Variants in ARVCF observed in about 807,000 individuals in gnomAD.
ARVCF encodes ARVCF delta catenin family member, also known as splicing regulator ARVCF.
A neutral mutation model predicts 90.9 loss-of-function variants in ARVCF; 66 were observed. The observed-to-expected ratio is 0.73, with a 90% CI of 0.60 to 0.89. The LOEUF is 0.89. ARVCF is among the 40% of genes least tolerant of loss of function. The probability of loss-of-function intolerance (pLI) is 0.00; values close to 1 mark genes in which losing one functional copy is unlikely to be tolerated. For missense variants in ARVCF, 1,469 were observed against 1,382.3 expected, an observed-to-expected ratio of 1.06 and a Z score of -1.00; for synonymous variants, 653 against 603.4, an observed-to-expected ratio of 1.08 and a Z score of -1.21.
chr22:19,973,040 T>A lies in ARVCF; in HGVS notation c.2439-4A>T, dbSNP rs766933695. On this transcript the variant is annotated splice_polypyrimidine_tract_variant and splice_region_variant and intron_variant, in intron 14 of 19. Transcript: ENST00000263207. Reference sequence around the variant, plus strand: ...CTTCGCTTCGCGTACCGATTGGCTGTGGGGCCGGGGGCGGGGTCAGTGGTG... The same window carrying A: ...CTTCGCTTCGCGTACCGATTGGCTGAGGGGCCGGGGGCGGGGTCAGTGGTG... 3.1e-6 allele frequency: 5 copies of A among 1,611,810 alleles called. No homozygotes were observed. The highest frequency in any genetic ancestry group is 4.2e-6 in the Non-Finnish European group (5 of 1,179,502).
intron 2 of ARVCF, among the ~76,000 whole-genome samples, chr22:20,008,328 C>T (rs1462552923): frequency 3.9e-5 from 6 of 152,182 alleles, no homozygotes; most frequent in African/African-American, 7.2e-5. Flanking sequence ...CTATGGGAAA[C>T]GGCAGGGCAT....
rs1383295084 is a variant in ARVCF, at chr22:19,977,652, T to C, written c.1699-66A>G. On this transcript the variant is annotated intron_variant, in intron 8 of 19. Coordinates refer to ENST00000263207, the MANE Select transcript of ARVCF (RefSeq NM_001670.3). ...CACAGGGCTGGCCCTCAGGAAAGAC[T>C]GGCCACAGCTGGTGTGCATGAGGGC... 8 of 1,473,224 alleles carry C rather than the reference T, an allele frequency of 5.4e-6. No homozygotes were observed. The East Asian group carries it at 1.9e-4, about 36-fold the overall frequency. 91.3% of individuals were successfully genotyped at this position (1,473,224 alleles called of 1,614,324 possible). A position where few individuals can be genotyped will look rare whatever the true frequency, so the allele number is the denominator to read the frequency against.
At chr22:19,990,860 A>C (rs565772965) in intron 2 of ARVCF, 48 bp from the exon 3 acceptor site, 2 of 1,521,528 alleles carry the variant, frequency 1.3e-6, no homozygotes, top group African/African-American at 2.8e-5. Context: ...ACAGCCTGGC[A>C]AGGCCATCAT....
chr22:19,966,743 AC>A (rs1942419241), downstream of ARVCF, among the ~76,000 whole-genome samples: 1 of 151,426 alleles, frequency 6.6e-6, no homozygotes, highest in African/African-American at 2.4e-5. Context: ...TGAGGCTCCA[AC>A]TTTTTGTTGT....
In ARVCF at chr22:19,971,911, T is replaced by C. The variant is rs760715340; in HGVS notation, c.2756A>G (p.Glu919Gly). The C allele has an allele frequency of 2.5e-6, 4 of 1,613,252 alleles. No homozygotes were observed. The Admixed American group carries it at 6.7e-5, about 27-fold the overall frequency. ...RRPRGASSAG[E>G]ASEKEPLKLD... ...TTTCAAGGGTTCCTTCTCAGAGGCC[T>C]CTCCTGCAGAGCTGGCGCCCCGTGG... is the stretch of plus-strand genomic sequence containing the variant. Residue 919 changes from glutamate to glycine, a missense_variant, in exon 18 of 20, where the codon GAG (glutamate) becomes GGG (glycine). By Grantham distance (98) the Glu-to-Gly change is moderately conservative. Coordinates refer to ENST00000263207, the MANE Select transcript of ARVCF (RefSeq NM_001670.3).
At chr22:19,971,405 AG>A in intron 18 of ARVCF, 70 bp from the exon 19 acceptor site, 1 of 1,497,468 alleles carries the variant, frequency 6.7e-7, no homozygotes, top group Non-Finnish European at 8.9e-7. Flanking sequence ...GGGACAGGGC[AG>A]GGGCAGGGCC....
Position 19,974,190 on chromosome 22 carries a change from G to A in ARVCF, c.2010C>T (p.Leu670=), listed in dbSNP as rs1196185713. 5.0e-6 allele frequency: 8 copies of A among 1,612,900 alleles called. No homozygotes were observed. The East Asian group carries it at 1.3e-4, about 27-fold the overall frequency. ...TGTTGAAGTTCCGGCTCTCCGTGAG[G>A]AGGGAGAGGTAGAGACGTACCACCT... ...QPEVVRLYLS[L]LTESRNFNTL... is the part of the protein sequence containing the mutation. The change falls in exon 12 of 20, where the codon CTC becomes CTT. Residue 670 remains leucine, a synonymous_variant. Coordinates refer to ENST00000263207, the MANE Select transcript of ARVCF (RefSeq NM_001670.3).
rs536451716 is a variant in ARVCF, at chr22:19,993,617, C to T, written c.-18-2805G>A. Reference sequence around the variant, plus strand: ...TTGTCGGGTGGACCCCTCATGACCCCCCACCCAAAACACAGCAACCAGCTT... The same window carrying T: ...TTGTCGGGTGGACCCCTCATGACCCTCCACCCAAAACACAGCAACCAGCTT... On this transcript the variant is annotated intron_variant, in intron 2 of 19. Coordinates refer to ENST00000263207, the MANE Select transcript of ARVCF (RefSeq NM_001670.3). Among the ~76,000 whole-genome samples the T allele has an allele frequency of 2.1e-3, 322 of 152,294 alleles. 2 individuals carry two copies. Among genetic ancestry groups the T allele is most frequent in the African/African-American group, 7.6e-3 (316 of 41,566 alleles).
intron 3 of ARVCF, among the ~76,000 whole-genome samples, chr22:19,989,722 C>G (rs1482249838): frequency 6.6e-6 from 1 of 152,038 alleles, no homozygotes; most frequent in African/African-American, 2.4e-5. Flanking sequence ...GCCAGGGAGA[C>G]AGGACTCTGC....
intron 1 of ARVCF, among the ~76,000 whole-genome samples, chr22:20,012,079 T>TGGCCC (rs748580387): frequency 8.5e-6 from 1 of 117,146 alleles, no homozygotes. Flanking sequence ...CCTCCCAAAG[T>TGGCCC]CCCCCCCCCC....
chr22:20,002,050 A>G (rs1408350987), intron 2 of ARVCF, among the ~76,000 whole-genome samples: 1 of 152,214 alleles, frequency 6.6e-6, no homozygotes, highest in African/African-American at 2.4e-5. Flanking sequence ...CGAGAACGAC[A>G]GACAGTGCTC....
rs772285929 is a variant in ARVCF at position 19,977,421 on chromosome 22, C to G, written c.1864G>C (p.Ala622Pro). 6.6e-7 allele frequency: 1 copy of G among 1,525,054 alleles called. No homozygotes were observed. The highest frequency in any genetic ancestry group is 8.8e-7 in the Non-Finnish European group (1 of 1,135,916). The allele number at this position is 1,525,054 out of a possible 1,614,324, so 94.5% of individuals were successfully genotyped here. The change falls in exon 9 of 20, where the codon GCC becomes CCC. Residue 622 changes from alanine to proline, a missense_variant. Coordinates refer to ENST00000263207, the MANE Select transcript of ARVCF (RefSeq NM_001670.3). ...DDASCFGGKKAKEEWFHQGKK... is the reference protein window; with the variant it reads ...DDASCFGGKKPKEEWFHQGKK... ...CCCAGTCCGCCCCACCCACCTTTGG[C>G]CTTCTTGCCTCCAAAGCAGCTGGCA...
At chr22:20,015,573 G>C (rs1206226282) in intron 1 of ARVCF, among the ~76,000 whole-genome samples, 1 of 152,160 alleles carries the variant, frequency 6.6e-6, no homozygotes, top group African/African-American at 2.4e-5. Context: ...AGGCAGATAA[G>C]GCAGTAGTTA....
intron 1 of ARVCF, among the ~76,000 whole-genome samples, chr22:20,012,389 G>A (rs1601692554): frequency 6.6e-6 from 1 of 152,228 alleles, no homozygotes; most frequent in African/African-American, 2.4e-5. Context: ...AGCATCTGTG[G>A]ACAACCTAAG....
At chr22:19,985,855 G>A (rs1283224719) in intron 3 of ARVCF, among the ~76,000 whole-genome samples, 1 of 152,244 alleles carries the variant, frequency 6.6e-6, no homozygotes, top group Non-Finnish European at 1.5e-5. Flanking sequence ...GGCTCCCAGA[G>A]GGCAGGAGGT....
At chr22:20,002,046 C>T (rs891163403) in intron 2 of ARVCF, among the ~76,000 whole-genome samples, 3 of 152,170 alleles carry the variant, frequency 2.0e-5, no homozygotes, top group African/African-American at 4.8e-5. Context: ...AGAGCGAGAA[C>T]GACAGACAGT....
chr22:20,004,668 A>C (rs1944558043), intron 2 of ARVCF, among the ~76,000 whole-genome samples: 1 of 152,218 alleles, frequency 6.6e-6, no homozygotes, highest in Admixed American at 6.5e-5. Context: ...ACAGTAATCA[A>C]AACAGTGTGG....
chr22:19,974,803 T>C (rs978605696), intron 11 of ARVCF, among the ~76,000 whole-genome samples: 1 of 151,994 alleles, frequency 6.6e-6, no homozygotes, highest in African/African-American at 2.4e-5. Context: ...CCAGGGCAGC[T>C]GCCCTAGCAA....
chr22:19,997,962 C>T (rs564790781), intron 2 of ARVCF, among the ~76,000 whole-genome samples: 36 of 152,318 alleles, frequency 2.4e-4, no homozygotes, highest in South Asian at 1.4e-3. Flanking sequence ...GTGTAAAAGG[C>T]CCAGACATGG....
Sources: gnomAD v4.1 joint callset for allele counts (sites outside exome capture counted in the v4.1 genomes callset) on GRCh38, gnomAD v4.1.1 for gene constraint, MANE v1.5 for transcripts, NCBI Gene and HGNC (gene_info 2026-07-23, HGNC 2026-07-21) for gene names.